Variants in MACROD2 observed in about 807,000 individuals in gnomAD.
The protein encoded by MACROD2 is ADP-ribose glycohydrolase MACROD2.
A neutral mutation model predicts 70.4 loss-of-function variants in MACROD2; 36 were observed. The ratio of observed to expected loss-of-function variants is 0.51; its 90% CI spans 0.39 to 0.68. MACROD2 has a LOEUF of 0.68. MACROD2 is among the 30% of genes least tolerant of loss of function. The pLI is 0.00. For synonymous variants in MACROD2, 172 were observed against 178.8 expected (o/e 0.96, Z 0.30); for missense variants, 496 against 538.4 (o/e 0.92, Z 0.78).
intron 8 of MACROD2, among the ~76,000 whole-genome samples, chr20:15,834,008 C>A (rs2064085566): frequency 1.3e-5 from 2 of 152,122 alleles, no homozygotes; most frequent in South Asian, 4.2e-4. Flanking sequence ...GATCTTCAGG[C>A]CCCTCAATTA....
At chr20:14,373,888 A>G (rs2083349038) in intron 3 of MACROD2, among the ~76,000 whole-genome samples, 1 of 152,188 alleles carries the variant, frequency 6.6e-6, no homozygotes, top group African/African-American at 2.4e-5. Context: ...AAGTGTTGCA[A>G]ATAAATATTG....
chr20:15,370,396 GTTTAA>G (rs1257274409), intron 6 of MACROD2, among the ~76,000 whole-genome samples: 2 of 151,984 alleles, frequency 1.3e-5, no homozygotes, highest in African/African-American at 4.8e-5. Context: ...TCACATTGAT[GTTTAA>G]TTTAAATAAG....
At chr20:14,726,531 G>A (rs1325861750) in intron 5 of MACROD2, among the ~76,000 whole-genome samples, 16 of 152,156 alleles carry the variant, frequency 1.1e-4, no homozygotes, top group Non-Finnish European at 1.5e-5. Context: ...CTCTGATTTG[G>A]TTTCCTCATC....
chr20:14,372,007 T>A (rs1159172674), intron 3 of MACROD2, among the ~76,000 whole-genome samples: 1 of 152,116 alleles, frequency 6.6e-6, no homozygotes, highest in East Asian at 1.9e-4. Context: ...GTTTGACTTC[T>A]TTGTGATTAT....
intron 5 of MACROD2, among the ~76,000 whole-genome samples, chr20:15,121,171 T>C (rs2123248463): frequency 6.6e-6 from 1 of 152,310 alleles, no homozygotes; most frequent in Middle Eastern, 3.4e-3. Context: ...AAAGATATAA[T>C]GCGTGAAGTA....
intron 5 of MACROD2, among the ~76,000 whole-genome samples, chr20:15,135,414 G>A (rs973862927): frequency 2.1e-4 from 31 of 150,504 alleles, no homozygotes; most frequent in African/African-American, 4.4e-4. Context: ...TTCAATATAC[G>A]CAAATCAATA....
intron 3 of MACROD2, among the ~76,000 whole-genome samples, chr20:14,344,395 T>C (rs1377566230): frequency 6.6e-6 from 1 of 152,232 alleles, no homozygotes; most frequent in Non-Finnish European, 1.5e-5. Context: ...TGGGAAATTT[T>C]CTGTAAAATA....
intron 6 of MACROD2, among the ~76,000 whole-genome samples, chr20:15,255,726 A>C (rs978094783): frequency 5.9e-5 from 9 of 152,154 alleles, no homozygotes; most frequent in African/African-American, 1.9e-4. Flanking sequence ...TTGAGTAAGA[A>C]GCTCAGTTAT....
At chr20:14,196,275 C>G (rs2081431828) in intron 3 of MACROD2, among the ~76,000 whole-genome samples, 1 of 152,192 alleles carries the variant, frequency 6.6e-6, no homozygotes. Flanking sequence ...CTCTTCACTT[C>G]AATGCCACCC....
chr20:16,021,821 G>C (rs758957886), intron 15 of MACROD2, among the ~76,000 whole-genome samples: 27 of 152,040 alleles, frequency 1.8e-4, no homozygotes, highest in Non-Finnish European at 3.7e-4. Context: ...TCTGACTCCA[G>C]GGTCTTTTAT....
Position 14,368,311 on chromosome 20 carries a change from G to C in MACROD2, c.272-125168G>C, listed in dbSNP as rs923564388. Among the ~76,000 whole-genome samples, 14 of 152,248 alleles carry C rather than the reference G, an allele frequency of 9.2e-5. No individual in the cohort carries two copies. In the East Asian group the frequency reaches 2.7e-3, roughly 29 times the overall value. ...CTCACGCCTGTAATTGCAGCACTTT[G>C]GGAGGCCGAGGTGGGCGGATCATGA... is the stretch of plus-strand genomic sequence containing the variant. On this transcript the variant is annotated intron_variant, in intron 3 of 17. Transcript: ENST00000684519.
chr20:15,374,949 G>A (rs143185625), intron 6 of MACROD2, among the ~76,000 whole-genome samples: 1 of 152,298 alleles, frequency 6.6e-6, no homozygotes, highest in Non-Finnish European at 1.5e-5. Flanking sequence ...CATGAGGATG[G>A]ATTGCTTTGG....
intron 5 of MACROD2, among the ~76,000 whole-genome samples, chr20:15,189,823 G>A (rs2076558560): frequency 6.6e-6 from 1 of 152,146 alleles, no homozygotes; most frequent in Non-Finnish European, 1.5e-5. Context: ...GATCATTACA[G>A]TGTTATCTCA....
chr20:15,504,955 A>C (rs879445224), intron 8 of MACROD2, among the ~76,000 whole-genome samples: 3 of 152,124 alleles, frequency 2.0e-5, no homozygotes, highest in Non-Finnish European at 4.4e-5. Flanking sequence ...TTCTTTGCGG[A>C]ATAGGTATTT....
At chr20:14,124,305 C>T (rs2054619622) in intron 3 of MACROD2, among the ~76,000 whole-genome samples, 1 of 152,042 alleles carries the variant, frequency 6.6e-6, no homozygotes, top group Admixed American at 6.6e-5. Flanking sequence ...CTTAGGCCAC[C>T]TTTAGAGGGA....
At chr20:14,696,082 G>A (rs1006822743) in intron 5 of MACROD2, among the ~76,000 whole-genome samples, 3 of 152,070 alleles carry the variant, frequency 2.0e-5, no homozygotes, top group African/African-American at 7.2e-5. Context: ...GGTGGGTAAT[G>A]TTACATTATA....
chr20:14,691,917 G>A (rs949778832), intron 5 of MACROD2, among the ~76,000 whole-genome samples: 4 of 151,964 alleles, frequency 2.6e-5, no homozygotes, highest in Non-Finnish European at 5.9e-5. Context: ...AAATCAACTC[G>A]GATTGGCTCA....
intron 15 of MACROD2, among the ~76,000 whole-genome samples, chr20:15,994,319 T>C (rs1371899219): frequency 1.3e-5 from 2 of 148,358 alleles, no homozygotes; most frequent in African/African-American, 2.4e-5. Context: ...ATTTTACATA[T>C]TATTAATAAA....
At chr20:15,360,288 A>G (rs1165542385) in intron 6 of MACROD2, among the ~76,000 whole-genome samples, 1 of 152,028 alleles carries the variant, frequency 6.6e-6, no homozygotes, top group Non-Finnish European at 1.5e-5. Flanking sequence ...CCACTTTTTG[A>G]CTATTACAAA....
Sources: allele counts gnomAD v4.1 joint callset (sites outside exome capture counted in the v4.1 genomes callset), GRCh38; gene constraint gnomAD v4.1.1; transcripts MANE v1.5; gene names NCBI Gene and HGNC (gene_info 2026-07-23, HGNC 2026-07-21).